USH2A: variants seen among roughly 807,000 people sequenced by gnomAD.
The protein encoded by USH2A is usherin.
In USH2A, 443 loss-of-function variants were observed where a neutral mutation model predicts 538.9. That is an observed-to-expected ratio of 0.82 (90% confidence interval 0.76 to 0.89). The LOEUF (loss-of-function observed/expected upper bound fraction) is 0.89. Among genes scored for constraint, USH2A ranks in the 40% least tolerant of loss-of-function variants. The pLI is 0.00. For missense variants in USH2A, 6,633 were observed against 6,324.8 expected (o/e 1.05, Z -1.65); for synonymous variants, 2,413 against 2,273.5 (o/e 1.06, Z -1.75).
intron 36 of USH2A, 140 bp downstream of exon 36, chr1:215,970,485 C>T (rs1165625945): frequency 1.0e-5 from 11 of 1,085,292 alleles, no homozygotes; most frequent in Non-Finnish European, 1.2e-5. Flanking sequence ...CTTAAATGAA[C>T]TTTTATAAAA....
At chr1:216,241,490 C>T (rs968452121) in intron 13 of USH2A, among the ~76,000 whole-genome samples, 8 of 151,900 alleles carry the variant, frequency 5.3e-5, no homozygotes, top group African/African-American at 1.7e-4. Flanking sequence ...TTTCTCTTTT[C>T]CTGGCTCTTT....
At chr1:216,116,107 AT>A (rs908799558) in intron 21 of USH2A, among the ~76,000 whole-genome samples, 3 of 151,720 alleles carry the variant, frequency 2.0e-5, no homozygotes, top group Non-Finnish European at 4.4e-5. Flanking sequence ...AATTAAAAAA[AT>A]AATAACTTTT....
chr1:216,060,986 C>T (rs913403810), intron 30 of USH2A, among the ~76,000 whole-genome samples: 50 of 152,294 alleles, frequency 3.3e-4, no homozygotes, highest in African/African-American at 1.1e-3. Context: ...TAAAGATACA[C>T]AGGAGTGATA....
rs767205760 is a variant in USH2A at position 215,993,060 on chromosome 1, G to A, written c.6765C>T (p.Asp2255=). 36 of 1,614,038 alleles carry A rather than the reference G, an allele frequency of 2.2e-5. No homozygotes were observed. The highest frequency in any genetic ancestry group is 1.6e-4 in the Middle Eastern group (1 of 6,080). The part of the protein sequence containing the change: ...PAPKAHSYSP[D]SFNVSWTEPE... The stretch of plus-strand genomic sequence containing the variant: ...GCTCAGTCCAGGAGACATTAAAGGA[G>A]TCAGGTGAATATGAGTGGGCTTTGG... The change falls in exon 35 of 72, where the codon GAC becomes GAT. Residue 2255 remains aspartate (D), a synonymous_variant. Transcript: ENST00000307340.
chr1:216,178,195 A>G (rs2034429266), intron 20 of USH2A, among the ~76,000 whole-genome samples: 1 of 152,200 alleles, frequency 6.6e-6, no homozygotes, highest in Admixed American at 6.6e-5. Context: ...CAAAAAGTTC[A>G]TCAAGTTAGA....
At chr1:215,667,684 C>T (rs576685669) in intron 64 of USH2A, among the ~76,000 whole-genome samples, 20 of 148,338 alleles carry the variant, frequency 1.3e-4, no homozygotes, top group African/African-American at 4.0e-4. Flanking sequence ...GGTGACAGAG[C>T]GAGACTGTGT....
intron 46 of USH2A, among the ~76,000 whole-genome samples, chr1:215,839,774 T>C (rs1325260421): frequency 6.6e-6 from 1 of 152,156 alleles, no homozygotes; most frequent in Non-Finnish European, 1.5e-5. Flanking sequence ...AATATAAAGC[T>C]TACTGTATTT....
chr1:216,033,777 A>ACC (rs1333782019), intron 32 of USH2A, among the ~76,000 whole-genome samples: 1 of 152,158 alleles, frequency 6.6e-6, no homozygotes, highest in Non-Finnish European at 1.5e-5. Flanking sequence ...TCGAGGCTGC[A>ACC]GTGAGCTGTG....
intron 14 of USH2A, among the ~76,000 whole-genome samples, chr1:216,231,292 C>CAGAGAG (rs371376479): frequency 1.2e-4 from 7 of 56,692 alleles, no homozygotes; most frequent in African/African-American, 4.0e-4. Context: ...CACAGAGAGA[C>CAGAGAG]AGAGAGAGAG....
chr1:215,901,159 T>C (rs1175884981), intron 38 of USH2A: 11 of 505,718 alleles, frequency 2.2e-5, no homozygotes, highest in Non-Finnish European at 2.9e-5. Context: ...TGCAGCACAT[T>C]CCCACCTGTA....
In USH2A at chr1:216,365,052, C is replaced by G. The variant is rs2038568675; in HGVS notation, c.685G>C (p.Gly229Arg). 2 of 1,613,332 alleles carry G rather than the reference C, an allele frequency of 1.2e-6. No homozygotes were observed. Among genetic ancestry groups the G allele is most frequent in the East Asian group, 4.5e-5 (2 of 44,794 alleles). The change falls in exon 4 of 72, where the codon GGC (glycine) becomes CGC (arginine). Residue 229 changes from glycine (G) to arginine (R), a missense_variant. Gly to Arg is a moderately radical substitution (Grantham distance 125, BLOSUM62 -2). Coordinates refer to ENST00000307340, the MANE Select transcript of USH2A (RefSeq NM_206933.4). The part of the protein sequence containing the change: ...HQTKISFFIN[G>R]VEKDHTPFNA... Reference sequence around the variant, plus strand: ...AAAGGTGTATGATCCTTCTCCACGCCATTGATAAAGAAGCTGATTTTTGTC... The same window carrying G: ...AAAGGTGTATGATCCTTCTCCACGCGATTGATAAAGAAGCTGATTTTTGTC...
rs116684707 is a variant in USH2A at position 215,909,182 on chromosome 1, C to A, written c.7301-8277G>T. ...CATAACCTGGGAATATAGTAATGAA[C>A]AAATTAAAATGGTTTTTATTAAGAG... On this transcript the variant is annotated intron_variant, in intron 38 of 71. Coordinates refer to ENST00000307340, the MANE Select transcript of USH2A (RefSeq NM_206933.4). Among the ~76,000 whole-genome samples the A allele has an allele frequency of 7.6e-3, 1,141 of 150,774 alleles. 10 individuals are homozygous for A. The highest frequency in any genetic ancestry group is 0.026 in the African/African-American group (1,068 of 41,098).
chr1:216,122,243 A>G (rs1489599735), intron 21 of USH2A, among the ~76,000 whole-genome samples: 1 of 152,148 alleles, frequency 6.6e-6, no homozygotes, highest in African/African-American at 2.4e-5. Flanking sequence ...CACGGGAGAA[A>G]AGTATCATTC....
chr1:215,975,529 A>G (rs1667600561), intron 35 of USH2A, among the ~76,000 whole-genome samples: 1 of 152,084 alleles, frequency 6.6e-6, no homozygotes, highest in Non-Finnish European at 1.5e-5. Flanking sequence ...GGTTTGCTGC[A>G]TAAGGCTAGC....
intron 44 of USH2A, among the ~76,000 whole-genome samples, chr1:215,846,563 T>C (rs1294119040): frequency 6.6e-6 from 1 of 152,182 alleles, no homozygotes; most frequent in Non-Finnish European, 1.5e-5. Context: ...CATAATTAAT[T>C]GCAGTCTTAT....
rs187563293 is a variant in USH2A, at chr1:216,086,504, T to C, written c.4987+215A>G. ...AGCAAAAGTTTTAATGAATTCCTTTTATATATCAAGAACCGAGTACTAACA... is the reference window on the plus strand; with the variant it reads ...AGCAAAAGTTTTAATGAATTCCTTTCATATATCAAGAACCGAGTACTAACA... On this transcript the variant is annotated intron_variant, in intron 24 of 71. Coordinates refer to ENST00000307340, the MANE Select transcript of USH2A (RefSeq NM_206933.4). 7.3e-4 allele frequency among the ~76,000 whole-genome samples: 111 copies of C among 152,234 alleles called. 1 individual carries two copies. Among genetic ancestry groups the C allele is most frequent in the Non-Finnish European group, 1.4e-3 (97 of 68,020 alleles).
intron 10 of USH2A, among the ~76,000 whole-genome samples, chr1:216,290,603 C>T (rs140735095): frequency 5.0e-4 from 76 of 152,232 alleles, no homozygotes; most frequent in African/African-American, 1.7e-3. Flanking sequence ...CCATGATAAG[C>T]ATAGTTGTCA....
At chr1:215,699,818 C>A (rs918146025) in intron 61 of USH2A, among the ~76,000 whole-genome samples, 8 of 152,184 alleles carry the variant, frequency 5.3e-5, no homozygotes, top group African/African-American at 1.4e-4. Flanking sequence ...TGCCTGATTG[C>A]CCTGGCCAGA....
At chr1:215,932,572 AT>A (rs1291592722) in intron 38 of USH2A, among the ~76,000 whole-genome samples, 1 of 152,064 alleles carries the variant, frequency 6.6e-6, no homozygotes, top group Non-Finnish European at 1.5e-5. Context: ...CCTAATTGTA[AT>A]CAACAACAAT....
Sources: gnomAD v4.1 joint callset for allele counts (sites outside exome capture counted in the v4.1 genomes callset) on GRCh38, gnomAD v4.1.1 for gene constraint, MANE v1.5 for transcripts, NCBI Gene and HGNC (gene_info 2026-07-23, HGNC 2026-07-21) for gene names.